TADA2B: variants seen among roughly 807,000 people sequenced by gnomAD.
TADA2B encodes the protein transcriptional adapter 2-beta.
Under a neutral mutation model 34.5 loss-of-function variants are expected in TADA2B, and 13 were observed. The observed-to-expected ratio is 0.38, with a 90% CI of 0.25 to 0.60. The LOEUF (loss-of-function observed/expected upper bound fraction) is 0.60. TADA2B is among the 20% of genes least tolerant of loss of function. TADA2B has a pLI of 0.65. For synonymous variants in TADA2B, 240 were observed against 243.4 expected (o/e 0.99, Z 0.13); for missense variants, 442 against 575.0 (o/e 0.77, Z 2.37).
intron 1 of TADA2B, chr4:7,045,663 A>G (rs1723610075): frequency 6.6e-6 from 1 of 152,118 alleles, no homozygotes. Context: ...ACTTACCTCT[A>G]CGTTAGCTGC....
At chr4:7,050,634 C>G (rs947658133) in intron 1 of TADA2B, among the ~76,000 whole-genome samples, 2 of 152,008 alleles carry the variant, frequency 1.3e-5, no homozygotes, top group Non-Finnish European at 2.9e-5. Context: ...TCGCCCGGGA[C>G]AGGAGATGCT....
At chr4:7,047,410 C>G (rs1205550857) in intron 1 of TADA2B, among the ~76,000 whole-genome samples, 1 of 152,222 alleles carries the variant, frequency 6.6e-6, no homozygotes, top group African/African-American at 2.4e-5. Flanking sequence ...GCACACACGT[C>G]AACACTCAGG....
intron 1 of TADA2B, among the ~76,000 whole-genome samples, chr4:7,047,541 C>A (rs1404619016): frequency 2.0e-5 from 3 of 152,234 alleles, no homozygotes; most frequent in African/African-American, 7.2e-5. Flanking sequence ...TGCGTGCATT[C>A]ATTCTCTCGC....
At chr4:7,045,035 C>G (rs1222290162) in intron 1 of TADA2B, 1 of 152,328 alleles carries the variant, frequency 6.6e-6, no homozygotes, top group African/African-American at 2.4e-5. Context: ...CCCACCTTGT[C>G]CTTCCATGCT....
Position 7,055,027 on chromosome 4 carries a change from C to T in TADA2B, c.1236C>T (p.Ser412=), listed in dbSNP as rs1004827908. The change falls in exon 2 of 2, where the codon AGC becomes AGT. Residue 412 remains serine, a synonymous_variant. Transcript: ENST00000310074. The part of the protein sequence containing the change: ...KKRILNFLTE[S]GWISRDAS ...GGATTTTGAATTTCCTCACAGAAAG[C>T]GGCTGGATCTCCAGGGACGCGTCTT... 2.5e-6 allele frequency: 4 copies of T among 1,611,276 alleles called. No homozygotes were observed. The highest frequency in any genetic ancestry group is 1.1e-5 in the South Asian group (1 of 90,838).
intron 1 of TADA2B, among the ~76,000 whole-genome samples, chr4:7,044,291 G>T (rs998069084): frequency 3.9e-5 from 6 of 152,354 alleles, no homozygotes; most frequent in African/African-American, 1.4e-4. Flanking sequence ...GGTCTCTGGG[G>T]CGGCCCCGTT....
At chr4:7,052,511 C>T (rs764522724) in intron 1 of TADA2B, among the ~76,000 whole-genome samples, 3 of 152,200 alleles carry the variant, frequency 2.0e-5, no homozygotes, top group Non-Finnish European at 2.9e-5. Flanking sequence ...GGGGACTTCG[C>T]GCTCGCTGTG....
rs772744302 is a variant in TADA2B, at chr4:7,055,090, A to T, written c.*36A>T. ...CTTTGAAAGCCAGGGTGATGCTCAG[A>T]CAGTGTGCCAGCCAAAATGACTTGG... On this transcript the variant is annotated 3_prime_UTR_variant, in exon 2 of 2. Coordinates refer to ENST00000310074, the MANE Select transcript of TADA2B (RefSeq NM_152293.3). 6.4e-7 allele frequency: 1 copy of T among 1,552,608 alleles called. No individual in the cohort carries two copies. The highest frequency in any genetic ancestry group is 8.7e-7 in the Non-Finnish European group (1 of 1,151,098).
At chr4:7,051,314 C>T (rs1254057729) in intron 1 of TADA2B, among the ~76,000 whole-genome samples, 2 of 152,150 alleles carry the variant, frequency 1.3e-5, no homozygotes, top group African/African-American at 4.8e-5. Context: ...TGCCTCCTCA[C>T]TGCCCTACCA....
In TADA2B at chr4:7,055,082, A is replaced by C; in HGVS notation, c.*28A>C. 6.4e-7 allele frequency: 1 copy of C among 1,569,030 alleles called. No homozygotes were observed. Among genetic ancestry groups the C allele is most frequent in the Non-Finnish European group, 8.6e-7 (1 of 1,158,464 alleles). On this transcript the variant is annotated 3_prime_UTR_variant, in exon 2 of 2. Coordinates refer to ENST00000310074, the MANE Select transcript of TADA2B (RefSeq NM_152293.3). ...CTGAGACGCTTTGAAAGCCAGGGTG[A>C]TGCTCAGACAGTGTGCCAGCCAAAA...
At chr4:7,048,955 A>G (rs549164874) in intron 1 of TADA2B, among the ~76,000 whole-genome samples, 8 of 152,332 alleles carry the variant, frequency 5.3e-5, no homozygotes, top group African/African-American at 1.7e-4. Flanking sequence ...TAATGTGTTT[A>G]TCTACATAGC....
chr4:7,048,413 T>C (rs1723690136), intron 1 of TADA2B, among the ~76,000 whole-genome samples: 1 of 152,110 alleles, frequency 6.6e-6, no homozygotes. Context: ...CCTCCCAAGC[T>C]GCTGAGTCAG....
chr4:7,055,009 G>T lies in TADA2B; in HGVS notation c.1218G>T (p.Leu406Phe), dbSNP rs1723856646. 1 of 1,611,772 alleles carries T rather than the reference G, an allele frequency of 6.2e-7. No homozygotes were observed. The highest frequency in any genetic ancestry group is 1.7e-5 in the Admixed American group (1 of 59,504). The change falls in exon 2 of 2, where the codon TTG becomes TTT. Residue 406 changes from leucine to phenylalanine, a missense_variant. Transcript: ENST00000310074. Reference protein sequence around the residue: ...YLDKVLKKRILNFLTESGWIS... With the variant: ...YLDKVLKKRIFNFLTESGWIS... The stretch of plus-strand genomic sequence containing the variant: ...ACAAAGTCCTAAAGAAAAGGATTTT[G>T]AATTTCCTCACAGAAAGCGGCTGGA...
chr4:7,047,241 A>C (rs1723652684), intron 1 of TADA2B, among the ~76,000 whole-genome samples: 1 of 152,206 alleles, frequency 6.6e-6, no homozygotes, highest in South Asian at 2.1e-4. Context: ...TTGGTTGCCA[A>C]AGAAATTGGG....
In TADA2B at chr4:7,056,589, T is replaced by C. The variant is rs1396777657; in HGVS notation, c.*1535T>C. 2 of 152,252 alleles carry C rather than the reference T, an allele frequency of 1.3e-5. No individual in the cohort carries two copies. Among genetic ancestry groups the C allele is most frequent in the East Asian group, 3.8e-4 (2 of 5,204 alleles). 9.4% of individuals were successfully genotyped at this position (152,252 alleles called of 1,614,324 possible). A position where few individuals can be genotyped will look rare whatever the true frequency, so the allele number is the denominator to read the frequency against. ...TTTCCTTTCTTTTTACACATCCTAC[T>C]GTCCCTTAGGGTAAAATTTTCAGCA... On this transcript the variant is annotated 3_prime_UTR_variant, in exon 2 of 2. Transcript: ENST00000310074.
intron 1 of TADA2B, among the ~76,000 whole-genome samples, chr4:7,051,066 T>G (rs1250340441): frequency 6.6e-6 from 1 of 152,192 alleles, no homozygotes; most frequent in Non-Finnish European, 1.5e-5. Flanking sequence ...GTAGACGTGC[T>G]TATCTGCTGT....
At chr4:7,044,779 GCTACAC>G (rs1229527837) in intron 1 of TADA2B, among the ~76,000 whole-genome samples, 1 of 152,176 alleles carries the variant, frequency 6.6e-6, no homozygotes, top group Non-Finnish European at 1.5e-5. Context: ...GTCTTCCCCT[GCTACAC>G]CAGGTGCCTG....
intron 1 of TADA2B, chr4:7,046,227 G>A (rs193157105): frequency 2.0e-4 from 31 of 152,362 alleles, no homozygotes; most frequent in African/African-American, 7.5e-4. Flanking sequence ...GAACCTCGTT[G>A]CGTTATCCCC....
chr4:7,055,145 C>CT lies in TADA2B; in HGVS notation c.*97dup. ...GGGGAGCCGCTTCCCCACTGTTGCT[C>CT]TTTTTTAAACAAATTGAGTTCCTTT... On this transcript the variant is annotated 3_prime_UTR_variant, in exon 2 of 2. Coordinates refer to ENST00000310074, the MANE Select transcript of TADA2B (RefSeq NM_152293.3). 1 of 1,307,760 alleles carries CT rather than the reference C, an allele frequency of 7.6e-7. No homozygotes were observed. Among genetic ancestry groups the CT allele is most frequent in the African/African-American group, 1.5e-5 (1 of 67,180 alleles). The allele number at this position is 1,307,760 out of a possible 1,614,324, so 81.0% of individuals were successfully genotyped here. A position where few individuals can be genotyped will look rare whatever the true frequency, so the allele number is the denominator to read the frequency against.
Sources: gnomAD v4.1 joint callset for allele counts (sites outside exome capture counted in the v4.1 genomes callset) on GRCh38, gnomAD v4.1.1 for gene constraint, MANE v1.5 for transcripts, NCBI Gene and HGNC (gene_info 2026-07-23, HGNC 2026-07-21) for gene names.